Variants in TMEM108 observed in about 807,000 individuals in gnomAD.
TMEM108 encodes cancer/testis antigen 124.
In TMEM108, 12 loss-of-function variants were observed where a neutral mutation model predicts 35.1. That is an observed-to-expected ratio of 0.34 (90% CI 0.22 to 0.55). TMEM108 has a LOEUF of 0.55. Ranked by LOEUF, TMEM108 falls within the 20% of genes least tolerant of loss-of-function variation. The pLI, the probability that TMEM108 is intolerant of heterozygous loss-of-function variation, is 0.89. For missense variants in TMEM108, 680 were observed against 753.3 expected (o/e 0.90, Z 1.14); for synonymous variants, 287 against 308.6 (o/e 0.93, Z 0.73).
chr3:133,147,485 A>C (rs951030170), intron 2 of TMEM108, among the ~76,000 whole-genome samples: 1 of 152,194 alleles, frequency 6.6e-6, no homozygotes, highest in Non-Finnish European at 1.5e-5. Flanking sequence ...TCTAATGATT[A>C]GTAATGTTGA....
At chr3:133,313,674 T>C (rs1017376866) in intron 3 of TMEM108, among the ~76,000 whole-genome samples, 3 of 152,202 alleles carry the variant, frequency 2.0e-5, no homozygotes, top group African/African-American at 4.8e-5. Context: ...CTGCCCTTCA[T>C]TGATGTTAAT....
At chr3:133,075,102 A>C (rs1015214215) in intron 2 of TMEM108, among the ~76,000 whole-genome samples, 1 of 152,138 alleles carries the variant, frequency 6.6e-6, no homozygotes, top group Non-Finnish European at 1.5e-5. Flanking sequence ...GCTTCTCCAC[A>C]GAGCATCCAC....
chr3:133,120,066 ACTT>A (rs755622741), intron 2 of TMEM108, among the ~76,000 whole-genome samples: 30 of 152,286 alleles, frequency 2.0e-4, no homozygotes, highest in Non-Finnish European at 3.4e-4. Flanking sequence ...ATAGAGACCA[ACTT>A]CTTCTTCTAA....
In TMEM108 at chr3:133,346,175, T is replaced by C. The variant is rs1256975197; in HGVS notation, c.41-33577T>C. On this transcript the variant is annotated intron_variant, in intron 3 of 5. Transcript: ENST00000321871. This position sits in a 1 kb window ranked among gnomAD's most constrained non-coding sequence, Gnocchi z 4.0. ...ACCTAGGAGCACAATTACTAGATCA[T>C]ACAGTAAGACTATGATTAACTTTGT... is the stretch of plus-strand genomic sequence containing the variant. Among the ~76,000 whole-genome samples the C allele has an allele frequency of 2.6e-5, 4 of 152,004 alleles. No homozygotes were observed. Among genetic ancestry groups the C allele is most frequent in the Non-Finnish European group, 4.4e-5 (3 of 67,870 alleles).
At chr3:133,332,100 A>G (rs2107728364) in intron 3 of TMEM108, among the ~76,000 whole-genome samples, 1 of 152,280 alleles carries the variant, frequency 6.6e-6, no homozygotes. Context: ...ACACACACAC[A>G]CACACACACA....
At chr3:133,091,159 A>G (rs1219817296) in intron 2 of TMEM108, among the ~76,000 whole-genome samples, 1 of 152,158 alleles carries the variant, frequency 6.6e-6, no homozygotes, top group Admixed American at 6.5e-5. Context: ...TATTTCCTAG[A>G]TTCTTAGATA....
At chr3:133,153,416 C>T (rs1176827741) in intron 2 of TMEM108, among the ~76,000 whole-genome samples, 1 of 152,158 alleles carries the variant, frequency 6.6e-6, no homozygotes, top group Non-Finnish European at 1.5e-5. Flanking sequence ...TTTATGCATT[C>T]TCATTTAATC....
chr3:133,070,899 A>T lies in TMEM108; in HGVS notation c.-47+24879A>T, dbSNP rs151241032. Among the ~76,000 whole-genome samples, 515 of 152,012 alleles carry T rather than the reference A, an allele frequency of 3.4e-3. 3 individuals carry two copies. Among genetic ancestry groups the T allele is most frequent in the African/African-American group, 0.012 (487 of 41,470 alleles). On this transcript the variant is annotated intron_variant, in intron 2 of 5. Transcript: ENST00000321871. Reference sequence around the variant, plus strand: ...CTGCTCTGAATGTTATGTTGCCTTTAAAAAAAATTCAACATTTGCTGTCTT... The same window carrying T: ...CTGCTCTGAATGTTATGTTGCCTTTTAAAAAAATTCAACATTTGCTGTCTT...
chr3:133,268,362 C>A lies in TMEM108; in HGVS notation c.40+39011C>A, dbSNP rs186867696. Among the ~76,000 whole-genome samples the A allele has an allele frequency of 6.6e-5, 10 of 152,214 alleles. No individual in the cohort carries two copies. The East Asian group carries it at 1.9e-3, about 29-fold the overall frequency. On this transcript the variant is annotated intron_variant, in intron 3 of 5. Coordinates refer to ENST00000321871, the MANE Select transcript of TMEM108 (RefSeq NM_023943.4). ...ACATGGACAAGCAGCTTTGACATTACCTGGGAGATTGTAGAAATGCAGACT... is the reference window on the plus strand; with the variant it reads ...ACATGGACAAGCAGCTTTGACATTAACTGGGAGATTGTAGAAATGCAGACT...
chr3:133,331,109 T>G (rs1348472327), intron 3 of TMEM108, among the ~76,000 whole-genome samples: 1 of 152,010 alleles, frequency 6.6e-6, no homozygotes, highest in Non-Finnish European at 1.5e-5. Context: ...TAATAAAAAA[T>G]CAAAAAGTCA....
At chr3:133,296,623 G>A (rs35356925) in intron 3 of TMEM108, among the ~76,000 whole-genome samples, 21,791 of 151,944 alleles carry the variant, frequency 0.14, 1,656 homozygotes, top group South Asian at 0.22. Flanking sequence ...CCCAGTCCTT[G>A]TAGGGAGATG....
intron 2 of TMEM108, among the ~76,000 whole-genome samples, chr3:133,159,786 CCTCTCT>C (rs1389830625): frequency 6.6e-6 from 1 of 152,162 alleles, no homozygotes; most frequent in Non-Finnish European, 1.5e-5. Context: ...TGCTCTAGGA[CCTCTCT>C]TCTTTAACTG....
At chr3:133,138,303 A>G (rs1469579099) in intron 2 of TMEM108, among the ~76,000 whole-genome samples, 3 of 152,342 alleles carry the variant, frequency 2.0e-5, no homozygotes, top group East Asian at 1.9e-4. Context: ...TTACCCCACA[A>G]GGAATGACTT....
At chr3:133,290,968 G>A (rs1017213738) in intron 3 of TMEM108, among the ~76,000 whole-genome samples, 2 of 152,114 alleles carry the variant, frequency 1.3e-5, no homozygotes, top group African/African-American at 4.8e-5. Flanking sequence ...AACTAAAATG[G>A]TGAGATGTTT....
chr3:133,332,381 G>A (rs2071406868), intron 3 of TMEM108, among the ~76,000 whole-genome samples: 2 of 152,212 alleles, frequency 1.3e-5, no homozygotes, highest in Non-Finnish European at 2.9e-5. Context: ...CAGTGTATGA[G>A]GGAGGAAAAT....
rs902662145 is a variant in TMEM108, at chr3:133,044,435, A to C, written c.-165-1467A>C. 1.4e-4 allele frequency among the ~76,000 whole-genome samples: 21 copies of C among 152,244 alleles called. 1 individual carries two copies. The highest frequency in any genetic ancestry group is 1.6e-4 in the Non-Finnish European group (11 of 68,034). ...GCTGCCTAATTGGGAATTTATTTAT[A>C]ATCAATTAGTGCCAGGATAATAATT... On this transcript the variant is annotated intron_variant, in intron 1 of 5. Coordinates refer to ENST00000321871, the MANE Select transcript of TMEM108 (RefSeq NM_023943.4).
intron 2 of TMEM108, among the ~76,000 whole-genome samples, chr3:133,172,329 T>C (rs148949513): frequency 1.3e-3 from 194 of 152,358 alleles, no homozygotes; most frequent in African/African-American, 4.4e-3. Context: ...ACAAGGCTAA[T>C]ATTTATGAAG....
At chr3:133,220,916 T>A (rs999126705) in intron 2 of TMEM108, among the ~76,000 whole-genome samples, 1 of 152,200 alleles carries the variant, frequency 6.6e-6, no homozygotes, top group Non-Finnish European at 1.5e-5. Flanking sequence ...GCTCAGAAAG[T>A]GCTTTACTTA....
intron 3 of TMEM108, among the ~76,000 whole-genome samples, chr3:133,275,041 T>C (rs1194192609): frequency 6.6e-6 from 1 of 152,226 alleles, no homozygotes; most frequent in Non-Finnish European, 1.5e-5. Flanking sequence ...ACTCTAAAAG[T>C]GGTCTTAGAA....
Sources: gnomAD v4.1 joint callset for allele counts (sites outside exome capture counted in the v4.1 genomes callset) on GRCh38, gnomAD v4.1.1 for gene constraint, Gnocchi (gnomAD v3.1) non-coding constraint, MANE v1.5 for transcripts, NCBI Gene and HGNC (gene_info 2026-07-23, HGNC 2026-07-21) for gene names.